DELE1: variants seen among roughly 807,000 people sequenced by gnomAD.
The protein encoded by DELE1 is DAP3 binding cell death enhancer 1.
Under a neutral mutation model 59.3 loss-of-function variants are expected in DELE1, and 54 were observed. The ratio of observed to expected loss-of-function variants is 0.91; its 90% confidence interval spans 0.73 to 1.14. The LOEUF is 1.14. Ranked by LOEUF, DELE1 falls within the 50% of genes most tolerant of loss-of-function variation. DELE1 has a pLI of 0.00. For synonymous variants in DELE1, 264 were observed against 259.1 expected (o/e 1.02, Z -0.18); for missense variants, 636 against 643.9 (o/e 0.99, Z 0.13).
At position 141,933,320 on chromosome 5, in the gene DELE1, A is replaced by AG; in HGVS notation, c.817dup (p.Ala273GlyfsTer16). On this transcript the variant is annotated frameshift_variant, in exon 8 of 12. Transcript: ENST00000432126. LOFTEE classifies it high-confidence loss of function. ...CCTTTTCTTACTTCCAGAAAGCTGC[A>AG]GCCCGCGGCTACAGCAAAGCGCAGT... The AG allele has an allele frequency of 6.4e-7, 1 of 1,570,332 alleles. No individual in the cohort carries two copies.
Position 141,940,437 on chromosome 5 carries a change from GCCCACC to G in DELE1, c.*1682_*1687del. ...GTCTGGGAGGGATAGAGAGCCCACC[GCCCACC>G]CCCCACAATCCCATGACTGAGTGGA... On this transcript the variant is annotated 3_prime_UTR_variant, in exon 12 of 12. Transcript: ENST00000432126. 3.5e-6 allele frequency: 2 copies of G among 576,152 alleles called. No homozygotes were observed. The highest frequency in any genetic ancestry group is 1.3e-4 in the South Asian group (1 of 7,950). 35.7% of individuals were successfully genotyped at this position (576,152 alleles called of 1,614,324 possible).
chr5:141,939,918 C>A lies in DELE1; in HGVS notation c.*1159C>A. 1 of 772,950 alleles carries A rather than the reference C, an allele frequency of 1.3e-6. No homozygotes were observed. The highest frequency in any genetic ancestry group is 1.6e-6 in the Non-Finnish European group (1 of 636,342). The allele number at this position is 772,950 out of a possible 1,614,324, so 47.9% of individuals were successfully genotyped here. A position where few individuals can be genotyped will look rare whatever the true frequency, so the allele number is the denominator to read the frequency against. On this transcript the variant is annotated 3_prime_UTR_variant, in exon 12 of 12. Transcript: ENST00000432126. The stretch of plus-strand genomic sequence containing the variant: ...CTCATGGTTGCATGACTTTATGAGT[C>A]GCTGGGCCAGGGTGAGGACCTGGGC...
Position 141,934,563 on chromosome 5 carries a change from C to T in DELE1, c.1126C>T (p.Leu376Phe). 1 of 1,614,240 alleles carries T rather than the reference C, an allele frequency of 6.2e-7. No homozygotes were observed. Among genetic ancestry groups the T allele is most frequent in the Non-Finnish European group, 8.5e-7 (1 of 1,180,036 alleles). ...GGATGAGCAGAGAGCTGTGAAATAT[C>T]TTTGGCTTGCAGCCAACAATGGGGT... ...YLDEQRAVKY[L>F]WLAANNGDSQ... The change falls in exon 10 of 12, where the codon CTT (leucine) becomes TTT (phenylalanine). Residue 376 changes from leucine (L) to phenylalanine (F), a missense_variant. By Grantham distance (22) the Leu-to-Phe change is conservative. Transcript: ENST00000432126.
chr5:141,937,387 C>A, intron 11 of DELE1, 30 bp downstream of exon 11: 10 of 1,611,378 alleles, frequency 6.2e-6, no homozygotes, highest in Non-Finnish European at 8.5e-6. Context: ...CCAACAGGTT[C>A]ATTCCCTGAG....
intron 11 of DELE1, among the ~76,000 whole-genome samples, chr5:141,938,149 A>ATC (rs1752518970): frequency 6.6e-6 from 1 of 152,094 alleles, no homozygotes; most frequent in Non-Finnish European, 1.5e-5. Flanking sequence ...AACCCCCACT[A>ATC]TCACTGAACT....
At chr5:141,937,460 C>A (rs918963626) in intron 11 of DELE1, 103 bp downstream of exon 11, 39 of 1,354,144 alleles carry the variant, frequency 2.9e-5, no homozygotes, top group Non-Finnish European at 3.9e-5. Flanking sequence ...CATTTCCAAC[C>A]CCAGTGGTGG....
chr5:141,934,482 CCTT>C lies in DELE1; in HGVS notation c.1057-11_1057-9del. 1 of 1,614,220 alleles carries C rather than the reference CCTT, an allele frequency of 6.2e-7. No individual in the cohort carries two copies. The highest frequency in any genetic ancestry group is 8.5e-7 in the Non-Finnish European group (1 of 1,180,020). ...ACCAAGATGCCTTCTTTTCCTTCCT[CCTT>C]GACCACAGGCCCAAGCTTTCCTCGG... On this transcript the variant is annotated splice_polypyrimidine_tract_variant and intron_variant, in intron 9 of 11. Coordinates refer to ENST00000432126, the MANE Select transcript of DELE1 (RefSeq NM_014773.5).
Position 141,939,770 on chromosome 5 carries a change from A to G in DELE1, c.*1011A>G. ...TTGAAGCTGTGACCTGACTCCCTAT[A>G]TTGTTTCCTCAGTTGTAGACCAAAG... On this transcript the variant is annotated 3_prime_UTR_variant, in exon 12 of 12. Transcript: ENST00000432126. The G allele has an allele frequency of 1.1e-6, 1 of 887,568 alleles. No individual in the cohort carries two copies. The highest frequency in any genetic ancestry group is 1.3e-6 in the Non-Finnish European group (1 of 740,796). 55.0% of individuals were successfully genotyped at this position (887,568 alleles called of 1,614,324 possible).
intron 11 of DELE1, among the ~76,000 whole-genome samples, chr5:141,938,018 G>T (rs1275804695): frequency 6.6e-6 from 1 of 151,610 alleles, no homozygotes; most frequent in Non-Finnish European, 1.5e-5. Flanking sequence ...TAGAGTCTGG[G>T]TTTCACCATG....
rs989335391 is a variant in DELE1, at chr5:141,940,447, C to G, written c.*1688C>G. On this transcript the variant is annotated 3_prime_UTR_variant, in exon 12 of 12. Coordinates refer to ENST00000432126, the MANE Select transcript of DELE1 (RefSeq NM_014773.5). ...GATAGAGAGCCCACCGCCCACCCCC[C>G]ACAATCCCATGACTGAGTGGAGACC... The G allele has an allele frequency of 4.1e-6, 4 of 985,304 alleles. No homozygotes were observed. The highest frequency in any genetic ancestry group is 1.7e-5 in the African/African-American group (1 of 57,200). The allele number at this position is 985,304 out of a possible 1,614,324, so 61.0% of individuals were successfully genotyped here.
chr5:141,933,571 C>T (rs922015205), intron 8 of DELE1, 170 bp downstream of exon 8: 15 of 412,002 alleles, frequency 3.6e-5, no homozygotes, highest in African/African-American at 2.9e-4. Flanking sequence ...GGAATTTAGA[C>T]TCAAAATTCA....
chr5:141,936,786 C>A, intron 10 of DELE1: 1 of 744,920 alleles, frequency 1.3e-6, no homozygotes, highest in Non-Finnish European at 1.6e-6. Context: ...CCCTCCCAGG[C>A]AGAGATTCAG....
chr5:141,923,962 C>T lies in DELE1; in HGVS notation c.21C>T (p.Leu7=). 1.9e-6 allele frequency: 3 copies of T among 1,609,856 alleles called. No homozygotes were observed. Among genetic ancestry groups the T allele is most frequent in the Non-Finnish European group, 2.5e-6 (3 of 1,178,344 alleles). The change falls in exon 1 of 12, where the codon CTC becomes CTT. Residue 7 remains leucine (L), a synonymous_variant. Transcript: ENST00000432126. MWRLPG[L]LGRALPRTLG... ...GCGACATGTGGCGCCTCCCGGGACTCCTGGGCCGAGGTAAGGGACGTCCAA... is the reference window on the plus strand; with the variant it reads ...GCGACATGTGGCGCCTCCCGGGACTTCTGGGCCGAGGTAAGGGACGTCCAA...
intron 11 of DELE1, among the ~76,000 whole-genome samples, chr5:141,937,732 T>C (rs10477159): frequency 1 from 125,664 of 125,702 alleles, 62,813 homozygotes; most frequent in Middle Eastern, 1. Flanking sequence ...GATCGCGCCA[T>C]TGCACTCCAG....
Position 141,930,289 on chromosome 5 carries a change from C to A in DELE1, c.754+15C>A, listed in dbSNP as rs1313789844. 1 of 1,587,324 alleles carries A rather than the reference C, an allele frequency of 6.3e-7. No homozygotes were observed. Among genetic ancestry groups the A allele is most frequent in the Non-Finnish European group, 8.7e-7 (1 of 1,155,712 alleles). On this transcript the variant is annotated intron_variant, in intron 7 of 11. Transcript: ENST00000432126. ...CAACTTCCTGGGTAACCAAATGGAC[C>A]CTGCCCCAAGGCAGGAGGGTGGGAA...
At position 141,938,594 on chromosome 5, in the gene DELE1, C is replaced by A; in HGVS notation, c.1383C>A (p.Thr461=). The change falls in exon 12 of 12, where the codon ACC becomes ACA. Residue 461 remains threonine (T), a synonymous_variant. Transcript: ENST00000432126. ...GCCCCTCCCTCTGCAGCTTGAACACCCTGCTAGCAGGAACCTCACGCCTAC... is the reference window on the plus strand; with the variant it reads ...GCCCCTCCCTCTGCAGCTTGAACACACTGCTAGCAGGAACCTCACGCCTAC... The part of the protein sequence containing the change: ...FSSPSLCSLN[T]LLAGTSRLPH... The A allele has an allele frequency of 1.9e-6, 3 of 1,614,120 alleles. No homozygotes were observed. The highest frequency in any genetic ancestry group is 2.5e-6 in the Non-Finnish European group (3 of 1,180,036).
In DELE1 at chr5:141,939,928, G is replaced by C. The variant is rs1752637610; in HGVS notation, c.*1169G>C. The C allele has an allele frequency of 1.2e-6, 1 of 843,356 alleles. No homozygotes were observed. The allele number at this position is 843,356 out of a possible 1,614,324, so 52.2% of individuals were successfully genotyped here. On this transcript the variant is annotated 3_prime_UTR_variant, in exon 12 of 12. Transcript: ENST00000432126. ...CATGACTTTATGAGTCGCTGGGCCAGGGTGAGGACCTGGGCCTCCTGACTC... is the reference window on the plus strand; with the variant it reads ...CATGACTTTATGAGTCGCTGGGCCACGGTGAGGACCTGGGCCTCCTGACTC...
At position 141,937,238 on chromosome 5, in the gene DELE1, A is replaced by G; in HGVS notation, c.1190A>G (p.Lys397Arg). The G allele has an allele frequency of 6.2e-7, 1 of 1,614,184 alleles. No homozygotes were observed. Among genetic ancestry groups the G allele is most frequent in the South Asian group, 1.1e-5 (1 of 91,086 alleles). The change falls in exon 11 of 12, where the codon AAA becomes AGA. Residue 397 changes from lysine (K) to arginine (R), a missense_variant. Lys to Arg is a conservative substitution (Grantham distance 26). Transcript: ENST00000432126. ...TACCACCTTGGAATTTGCTATGAGA[A>G]AGGCCTTGGTGTGCAGAGGAATCTG... The part of the protein sequence containing the change: ...SRYHLGICYE[K>R]GLGVQRNLGE...
intron 7 of DELE1, among the ~76,000 whole-genome samples, chr5:141,930,553 A>G (rs561250910): frequency 3.9e-5 from 6 of 152,358 alleles, no homozygotes; most frequent in Admixed American, 3.3e-4. Flanking sequence ...GGGAAGCTAA[A>G]GGATCACTCC....
Sources: gnomAD v4.1 joint callset for allele counts (sites outside exome capture counted in the v4.1 genomes callset) on GRCh38, gnomAD v4.1.1 for gene constraint, MANE v1.5 for transcripts, NCBI Gene and HGNC (gene_info 2026-07-23, HGNC 2026-07-21) for gene names.